Variants in UBR1 observed in about 807,000 individuals in gnomAD.
UBR1 encodes the protein E3 ubiquitin-protein ligase UBR1.
UBR1 carries 102 observed loss-of-function variants against 242.1 expected under a neutral mutation model. The ratio of observed to expected loss-of-function variants is 0.42; its 90% CI spans 0.36 to 0.50. The LOEUF (loss-of-function observed/expected upper bound fraction) is 0.50. Among genes scored for constraint, UBR1 ranks in the 20% least tolerant of loss-of-function variants. The pLI, the probability that UBR1 is intolerant of heterozygous loss-of-function variation, is 0.01. For missense variants in UBR1, 1,772 were observed against 2,101.8 expected, an observed-to-expected ratio of 0.84 and a Z score of 3.07; for synonymous variants, 675 against 684.8, an observed-to-expected ratio of 0.99 and a Z score of 0.22.
intron 44 of UBR1, 88 bp downstream of exon 44, chr15:42,957,925 A>G: frequency 8.7e-7 from 1 of 1,148,718 alleles, no homozygotes. Context: ...AAACAAAAAC[A>G]AGGAAGTGTG....
At chr15:42,999,608 G>A (rs1481303750) in intron 32 of UBR1, among the ~76,000 whole-genome samples, 1 of 152,020 alleles carries the variant, frequency 6.6e-6, no homozygotes, top group Non-Finnish European at 1.5e-5. Context: ...TGAGTGGGTC[G>A]CTTGAGCCCA....
In UBR1 at chr15:43,067,818, C is replaced by T. The variant is rs1457435609; in HGVS notation, c.798+80G>A. The T allele has an allele frequency of 3.2e-6, 5 of 1,575,050 alleles. No homozygotes were observed. In the South Asian group the frequency reaches 3.3e-5, roughly 10 times the overall value. On this transcript the variant is annotated intron_variant, in intron 6 of 46. Transcript: ENST00000290650. ...GAGGATGGTCAGACCTAGCACAATA[C>T]TGAGCAAGGGCTCAGTCAACATCTG...
In UBR1 at chr15:43,026,374, T is replaced by A; in HGVS notation, c.2535+187A>T. 8.9e-6 allele frequency: 5 copies of A among 563,496 alleles called. 1 individual carries two copies. The South Asian group carries it at 1.0e-4, about 12-fold the overall frequency. 34.9% of individuals were successfully genotyped at this position (563,496 alleles called of 1,614,324 possible). The stretch of plus-strand genomic sequence containing the variant: ...GCTATTAAAGACATATGTAGTATAA[T>A]CAGGAAAATCTGAATATTGCCTGTA... On this transcript the variant is annotated intron_variant, in intron 23 of 46. Transcript: ENST00000290650.
At chr15:42,989,993 T>G in intron 34 of UBR1, 37 bp downstream of exon 34, 1 of 1,461,890 alleles carries the variant, frequency 6.8e-7, no homozygotes, top group Non-Finnish European at 9.5e-7. Context: ...ATTTTCACAA[T>G]CATTTACAAA....
intron 33 of UBR1, among the ~76,000 whole-genome samples, chr15:42,995,540 C>T (rs984597139): frequency 3.3e-5 from 5 of 151,598 alleles, no homozygotes; most frequent in Non-Finnish European, 7.4e-5. Flanking sequence ...CGGTGGCAGG[C>T]GCCTGTAGTC....
In UBR1 at chr15:43,079,636, G is replaced by C. The variant is rs545116761; in HGVS notation, c.417+3002C>G. Reference sequence around the variant, plus strand: ...CTACTAAAAAATACAAAAAAAATTAGCCGGGTATGGTGGTGGGCGCCTGTA... The same window carrying C: ...CTACTAAAAAATACAAAAAAAATTACCCGGGTATGGTGGTGGGCGCCTGTA... On this transcript the variant is annotated intron_variant, in intron 3 of 46. Transcript: ENST00000290650. Among the ~76,000 whole-genome samples, 55 of 152,226 alleles carry C rather than the reference G, an allele frequency of 3.6e-4. No individual in the cohort carries two copies. The South Asian group carries it at 3.9e-3, about 11-fold the overall frequency.
chr15:43,075,807 G>T (rs981430861), intron 3 of UBR1, among the ~76,000 whole-genome samples: 2 of 151,776 alleles, frequency 1.3e-5, no homozygotes, highest in African/African-American at 2.4e-5. Flanking sequence ...TAGAGACGGG[G>T]TTTCTCTACG....
intron 19 of UBR1, among the ~76,000 whole-genome samples, chr15:43,034,453 A>G (rs2033303495): frequency 6.6e-6 from 1 of 151,824 alleles, no homozygotes; most frequent in Non-Finnish European, 1.5e-5. Context: ...AACAATTAAT[A>G]AATAAATAAA....
intron 22 of UBR1, 146 bp from the exon 23 acceptor site, chr15:43,026,809 A>AAT (rs2033184240): frequency 1.5e-6 from 1 of 664,922 alleles, no homozygotes. Context: ...CCATTGCAAT[A>AAT]ATAAAACTAA....
At chr15:42,959,710 A>G (rs1368271680) in intron 43 of UBR1, among the ~76,000 whole-genome samples, 1 of 152,242 alleles carries the variant, frequency 6.6e-6, no homozygotes, top group Non-Finnish European at 1.5e-5. Context: ...CTCTACTCGA[A>G]GATCTTTTCT....
At chr15:43,079,783 A>AAAAT (rs562573202) in intron 3 of UBR1, among the ~76,000 whole-genome samples, 132 of 152,248 alleles carry the variant, frequency 8.7e-4, no homozygotes, top group South Asian at 4.6e-3. Context: ...CTCCGTCTCA[A>AAAAT]AAATAAATAA....
At chr15:42,992,516 G>A (rs1427351580) in intron 33 of UBR1, among the ~76,000 whole-genome samples, 1 of 152,202 alleles carries the variant, frequency 6.6e-6, no homozygotes, top group Non-Finnish European at 1.5e-5. Flanking sequence ...GTGCTGTGGT[G>A]TTTTGATCTG....
chr15:42,978,878 G>A (rs145356481), intron 37 of UBR1, among the ~76,000 whole-genome samples: 3,590 of 144,856 alleles, frequency 0.025, 159 homozygotes, highest in African/African-American at 0.087. Context: ...GCAGGCACGC[G>A]CCACCACGCC....
At chr15:42,993,019 C>T (rs1236352573) in intron 33 of UBR1, among the ~76,000 whole-genome samples, 3 of 152,158 alleles carry the variant, frequency 2.0e-5, no homozygotes, top group Non-Finnish European at 4.4e-5. Flanking sequence ...CTGAGGCTGG[C>T]CTTGGGAGAA....
At chr15:43,071,065 AG>A in intron 4 of UBR1, 140 bp from the exon 5 acceptor site, 1 of 1,197,842 alleles carries the variant, frequency 8.3e-7, no homozygotes, top group Non-Finnish European at 1.2e-6. Context: ...TGAGCTCAAG[AG>A]GGTTGCTATA....
In UBR1 at chr15:42,976,806, G is replaced by A. The variant is rs1480939799; in HGVS notation, c.4280C>T (p.Ser1427Phe). ...GTGGTTATAGGAAGAACTAACTGAA[G>A]AAGGCTGCAGATCAACAGGGTCATC... ...YWDDPVDLQPSSVSSSYNHLY... is the reference protein window; with the variant it reads ...YWDDPVDLQPFSVSSSYNHLY... Residue 1427 changes from serine (S) to phenylalanine (F), a missense_variant, in exon 39 of 47, where the codon TCT (serine) becomes TTT (phenylalanine). Transcript: ENST00000290650. 2.5e-6 allele frequency: 4 copies of A among 1,614,074 alleles called. No homozygotes were observed. The highest frequency in any genetic ancestry group is 4.5e-5 in the East Asian group (2 of 44,856).
chr15:43,079,401 G>A (rs2033947104), intron 3 of UBR1, among the ~76,000 whole-genome samples: 1 of 152,152 alleles, frequency 6.6e-6, no homozygotes, highest in Admixed American at 6.5e-5. Flanking sequence ...ACCTGAATCT[G>A]TACACTAAAA....
chr15:42,967,219 G>GTTTTTTTTTT, intron 40 of UBR1, among the ~76,000 whole-genome samples: 1 of 113,216 alleles, frequency 8.8e-6, no homozygotes, highest in Non-Finnish European at 1.7e-5. Flanking sequence ...TGCTCAACTA[G>GTTTTTTTTTT]TTTTTTTTTT....
In UBR1 at chr15:42,943,221, T is replaced by C. The variant is rs1337489964; in HGVS notation, c.*2108A>G. The C allele has an allele frequency of 6.6e-6, 1 of 152,626 alleles. No individual in the cohort carries two copies. Among genetic ancestry groups the C allele is most frequent in the African/African-American group, 2.4e-5 (1 of 41,448 alleles). The allele number at this position is 152,626 out of a possible 1,614,324, so 9.5% of individuals were successfully genotyped here. Reference sequence around the variant, plus strand: ...ATCATTAAAATTCTCACTAGCCCCTTACCAAACATTAGAAAAACACAGTTC... The same window carrying C: ...ATCATTAAAATTCTCACTAGCCCCTCACCAAACATTAGAAAAACACAGTTC... On this transcript the variant is annotated 3_prime_UTR_variant, in exon 47 of 47. Coordinates refer to ENST00000290650, the MANE Select transcript of UBR1 (RefSeq NM_174916.3).
Sources: gnomAD v4.1 joint callset for allele counts (sites outside exome capture counted in the v4.1 genomes callset) on GRCh38, gnomAD v4.1.1 for gene constraint, MANE v1.5 for transcripts, NCBI Gene and HGNC (gene_info 2026-07-23, HGNC 2026-07-21) for gene names.